Variants in NOTCH2 observed in about 807,000 individuals in gnomAD.
NOTCH2 encodes notch receptor 2.
A neutral mutation model predicts 235.8 loss-of-function variants in NOTCH2; 29 were observed. The observed-to-expected ratio is 0.12, with a 90% CI of 0.09 to 0.17. The LOEUF is 0.17. Among genes scored for constraint, NOTCH2 ranks in the 10% least tolerant of loss-of-function variants. The probability of loss-of-function intolerance (pLI) is 1.00; values close to 1 mark genes in which losing one functional copy is unlikely to be tolerated. For missense variants in NOTCH2, 2,285 were observed against 3,150.2 expected, an observed-to-expected ratio of 0.73 and a Z score of 6.57; for synonymous variants, 1,086 against 1,141.5, an observed-to-expected ratio of 0.95 and a Z score of 0.98.
chr1:119,923,460 C>T (rs587766735), intron 26 of NOTCH2, among the ~76,000 whole-genome samples, 177 bp downstream of exon 26: 11 of 152,306 alleles, frequency 7.2e-5, no homozygotes, highest in African/African-American at 2.4e-4. Context: ...TCAGCCAAGA[C>T]GAAGGCATAT....
intron 3 of NOTCH2, among the ~76,000 whole-genome samples, chr1:119,998,793 ACTCGT>A (rs1324696434): frequency 6.9e-6 from 1 of 144,814 alleles, no homozygotes; most frequent in Non-Finnish European, 1.5e-5. Context: ...GCACCCATTA[ACTCGT>A]CATTTACATT....
intron 5 of NOTCH2, among the ~76,000 whole-genome samples, chr1:119,981,967 G>A (rs1213497742): frequency 6.6e-6 from 1 of 151,636 alleles, no homozygotes; most frequent in East Asian, 1.9e-4. Flanking sequence ...TAGAAAAATG[G>A]TTGTGAGAAA....
At chr1:119,935,637 T>C (rs782014137) in intron 21 of NOTCH2, 33 bp from the exon 22 acceptor site, 20 of 1,612,456 alleles carry the variant, frequency 1.2e-5, no homozygotes, top group East Asian at 6.7e-5. Flanking sequence ...ACAAGAAATA[T>C]TGGACCATTA....
At chr1:119,922,126 G>A in intron 28 of NOTCH2, 110 bp downstream of exon 28, 2 of 1,215,162 alleles carry the variant, frequency 1.6e-6, no homozygotes, top group South Asian at 1.3e-5. Context: ...CATGGTCAAT[G>A]TGAGTAAATG....
chr1:120,068,805 A>G (rs1553217571), intron 1 of NOTCH2: 3 of 377,096 alleles, frequency 8.0e-6, no homozygotes, highest in Non-Finnish European at 1.0e-5. Flanking sequence ...CGCGCCGCAA[A>G]ACCCCGTCCC....
At chr1:119,944,267 TGG>T (rs1164306029) in intron 17 of NOTCH2, among the ~76,000 whole-genome samples, 1 of 152,126 alleles carries the variant, frequency 6.6e-6, no homozygotes, top group Admixed American at 6.5e-5. Flanking sequence ...CTAGGCATGG[TGG>T]CTCACGCTGT....
At chr1:119,932,950 T>C (rs1389859549) in intron 22 of NOTCH2, among the ~76,000 whole-genome samples, 11 of 152,240 alleles carry the variant, frequency 7.2e-5, no homozygotes, top group Admixed American at 5.2e-4. Flanking sequence ...TGTATACTTT[T>C]CTATGTGTGA....
rs1415546815 is a variant in NOTCH2, at chr1:120,006,343, C to T, written c.156-755G>A. Among the ~76,000 whole-genome samples, 6 of 151,896 alleles carry T rather than the reference C, an allele frequency of 4.0e-5. No homozygotes were observed. In the South Asian group the frequency reaches 8.4e-4, roughly 21 times the overall value. On this transcript the variant is annotated intron_variant, in intron 2 of 33. Coordinates refer to ENST00000256646, the MANE Select transcript of NOTCH2 (RefSeq NM_024408.4). ...AAATATCTAAGATACCATATAAACA[C>T]CAAAGTGAAGGAAGGAATCAATTGA...
chr1:119,913,961 A>G lies in NOTCH2; in HGVS notation c.*1345T>C, dbSNP rs2101139458. Reference sequence around the variant, plus strand: ...TAAAGTCCATGTCTTCAGTGAGAACATACTGGGTATACCAGTAACACGGAC... The same window carrying G: ...TAAAGTCCATGTCTTCAGTGAGAACGTACTGGGTATACCAGTAACACGGAC... On this transcript the variant is annotated 3_prime_UTR_variant, in exon 34 of 34. Transcript: ENST00000256646. 4.3e-6 allele frequency: 1 copy of G among 233,088 alleles called. No individual in the cohort carries two copies. The highest frequency in any genetic ancestry group is 1.8e-4 in the South Asian group (1 of 5,526). 14.4% of individuals were successfully genotyped at this position (233,088 alleles called of 1,614,324 possible).
chr1:119,923,819 G>T lies in NOTCH2; in HGVS notation c.4677C>A (p.Leu1559=). ...CCCGCAAGAAGCTGCGAGCATCCTG[G>T]AGCAGTTGTTCAGGTGGCATCAATA... The part of the protein sequence containing the change: ...IVVLMPPEQL[L]QDARSFLRAL... The change falls in exon 26 of 34, where the codon CTC becomes CTA. Residue 1559 remains leucine, a synonymous_variant. Transcript: ENST00000256646. 6.2e-7 allele frequency: 1 copy of T among 1,614,162 alleles called. No individual in the cohort carries two copies. The highest frequency in any genetic ancestry group is 2.2e-5 in the East Asian group (1 of 44,884).
intron 3 of NOTCH2, among the ~76,000 whole-genome samples, chr1:120,002,083 C>T (rs1452922496): frequency 1.3e-5 from 2 of 152,094 alleles, no homozygotes; most frequent in African/African-American, 4.8e-5. Flanking sequence ...GAAGTGGTAC[C>T]ACTCACCATC....
At chr1:119,952,629 C>T (rs1006116750) in intron 14 of NOTCH2, among the ~76,000 whole-genome samples, 1 of 152,054 alleles carries the variant, frequency 6.6e-6, no homozygotes, top group Admixed American at 6.5e-5. Flanking sequence ...AGAGCTCAGG[C>T]GGTAATGTGA....
intron 11 of NOTCH2, 148 bp downstream of exon 11, chr1:119,963,426 C>T (rs1381255792): frequency 7.6e-6 from 6 of 793,476 alleles, no homozygotes; most frequent in Admixed American, 1.8e-5. Context: ...TGCCTTGAGA[C>T]ATTTATGTTT....
intron 13 of NOTCH2, 29 bp downstream of exon 13, chr1:119,955,011 A>C (rs1553198227): frequency 6.2e-7 from 1 of 1,611,498 alleles, no homozygotes; most frequent in East Asian, 2.2e-5. Flanking sequence ...CAGGTCAATA[A>C]GAAACTATCA....
intron 8 of NOTCH2, 25 bp downstream of exon 8, chr1:119,967,408 C>A: frequency 6.2e-7 from 1 of 1,609,016 alleles, no homozygotes; most frequent in Non-Finnish European, 8.5e-7. Context: ...CTCTCTAGAC[C>A]CAACATGCTG....
chr1:120,002,428 T>C (rs587717696), intron 3 of NOTCH2, among the ~76,000 whole-genome samples: 150 of 151,650 alleles, frequency 9.9e-4, no homozygotes, highest in African/African-American at 3.5e-3. Context: ...AGTATTACCA[T>C]GCCCTGTGAT....
intron 1 of NOTCH2, among the ~76,000 whole-genome samples, chr1:120,040,894 A>T (rs1388017020): frequency 4.0e-5 from 6 of 149,900 alleles, no homozygotes; most frequent in African/African-American, 1.5e-4. Flanking sequence ...AAAAAAAATT[A>T]GCTGGGCATG....
intron 26 of NOTCH2, 54 bp from the exon 27 acceptor site, chr1:119,922,832 A>C (rs1279383061): frequency 6.2e-7 from 1 of 1,608,906 alleles, no homozygotes; most frequent in Non-Finnish European, 8.5e-7. Flanking sequence ...AAAACAGAAG[A>C]GTGCAGGTCA....
In NOTCH2 at chr1:120,069,635, C is replaced by T. The variant is rs1174223400; in HGVS notation, c.-229G>A. On this transcript the variant is annotated 5_prime_UTR_variant, in exon 1 of 34. Coordinates refer to ENST00000256646, the MANE Select transcript of NOTCH2 (RefSeq NM_024408.4). ...GCCGCCGCCCGAAGTTTGGCTGAAA[C>T]TTTCTCGGGTGTGCAACGAAGCAGC... is the stretch of plus-strand genomic sequence containing the variant. 2.9e-6 allele frequency: 4 copies of T among 1,397,942 alleles called. No homozygotes were observed. The highest frequency in any genetic ancestry group is 1.5e-5 in the African/African-American group (1 of 65,602). 86.6% of individuals were successfully genotyped at this position (1,397,942 alleles called of 1,614,324 possible). A position where few individuals can be genotyped will look rare whatever the true frequency, so the allele number is the denominator to read the frequency against.
Sources: allele counts gnomAD v4.1 joint callset (sites outside exome capture counted in the v4.1 genomes callset), GRCh38; gene constraint gnomAD v4.1.1; transcripts MANE v1.5; gene names NCBI Gene and HGNC (gene_info 2026-07-23, HGNC 2026-07-21).